The following GPAM variants were observed in gnomAD, a reference collection of about 807,000 sequenced individuals.
GPAM encodes glycerol-3-phosphate acyltransferase 1, mitochondrial.
In GPAM, 56 loss-of-function variants were observed where a neutral mutation model predicts 105.0. That is an observed-to-expected ratio of 0.53 (90% CI 0.43 to 0.67). The LOEUF is 0.67. Among genes scored for constraint, GPAM ranks in the 30% least tolerant of loss-of-function variants. The probability of loss-of-function intolerance (pLI) is 0.00; values close to 1 mark genes in which losing one functional copy is unlikely to be tolerated. For missense variants in GPAM, 855 were observed against 989.8 expected (o/e 0.86, Z 1.83); for synonymous variants, 368 against 354.4 (o/e 1.04, Z -0.43).
chr10:112,216,750 A>C (rs1478150420), upstream of GPAM, among the ~76,000 whole-genome samples: 1 of 151,960 alleles, frequency 6.6e-6, no homozygotes, highest in East Asian at 1.9e-4. Context: ...CAGCCTCCCA[A>C]GTAGCTGGGA....
chr10:112,220,427 T>C, the GPAM span, among the ~76,000 whole-genome samples: 1 of 147,952 alleles, frequency 6.8e-6, no homozygotes, highest in African/African-American at 2.5e-5. Flanking sequence ...TACATGCATC[T>C]AGAGCCATAC....
In GPAM at chr10:112,151,763, A is replaced by C; in HGVS notation, c.*1787T>G. 1 of 985,090 alleles carries C rather than the reference A, an allele frequency of 1.0e-6. No individual in the cohort carries two copies. Among genetic ancestry groups the C allele is most frequent in the Non-Finnish European group, 1.2e-6 (1 of 829,696 alleles). 61.0% of individuals were successfully genotyped at this position (985,090 alleles called of 1,614,324 possible). A position where few individuals can be genotyped will look rare whatever the true frequency, so the allele number is the denominator to read the frequency against. On this transcript the variant is annotated 3_prime_UTR_variant, in exon 22 of 22. Coordinates refer to ENST00000348367, the MANE Select transcript of GPAM (RefSeq NM_001244949.2). ...AGGATGAAAAAAAGAGACTAGTGAA[A>C]TGTTTGCTTCCCCAGATAAGGAACA...
rs1846928968 is a variant in GPAM at position 112,152,028 on chromosome 10, A to G, written c.*1522T>C. 6.3e-6 allele frequency: 6 copies of G among 959,550 alleles called. No individual in the cohort carries two copies. The South Asian group carries it at 1.9e-4, about 31-fold the overall frequency. The allele number at this position is 959,550 out of a possible 1,614,324, so 59.4% of individuals were successfully genotyped here. A position where few individuals can be genotyped will look rare whatever the true frequency, so the allele number is the denominator to read the frequency against. On this transcript the variant is annotated 3_prime_UTR_variant, in exon 22 of 22. Transcript: ENST00000348367. ...GAGTTTCAAACATGGTATTTCATAC[A>G]ATGTGAAATATCAATCAGCATCCCT...
At chr10:112,154,542 C>T in intron 21 of GPAM, 87 bp downstream of exon 21, 4 of 994,954 alleles carry the variant, frequency 4.0e-6, no homozygotes, top group East Asian at 2.4e-5. Context: ...TCGGGGTCCA[C>T]CCCACCACAA....
rs1846935631 is a variant in GPAM, at chr10:112,152,392, C to T, written c.*1158G>A. On this transcript the variant is annotated 3_prime_UTR_variant, in exon 22 of 22. Coordinates refer to ENST00000348367, the MANE Select transcript of GPAM (RefSeq NM_001244949.2). Reference sequence around the variant, plus strand: ...TGGCATAAGGGTTTAGGCATATAACCCATAAAAATTTGTTAAAAGTCATGG... The same window carrying T: ...TGGCATAAGGGTTTAGGCATATAACTCATAAAAATTTGTTAAAAGTCATGG... The T allele has an allele frequency of 1.0e-6, 1 of 984,720 alleles. No individual in the cohort carries two copies. The highest frequency in any genetic ancestry group is 1.7e-5 in the African/African-American group (1 of 57,146). The allele number at this position is 984,720 out of a possible 1,614,324, so 61.0% of individuals were successfully genotyped here. A position where few individuals can be genotyped will look rare whatever the true frequency, so the allele number is the denominator to read the frequency against.
Position 112,161,709 on chromosome 10 carries a change from G to A in GPAM, c.1452C>T (p.Ser484=), listed in dbSNP as rs768859281. 1.9e-6 allele frequency: 3 copies of A among 1,613,998 alleles called. No homozygotes were observed. The highest frequency in any genetic ancestry group is 2.2e-5 in the East Asian group (1 of 44,876). ...GGAGCAGGCAAGCCACAATGTGTGT[G>A]GACATAATGGCACAGGACTTGCTAG... The part of the protein sequence containing the change: ...FTASKSCAIM[S]THIVACLLLY... The change falls in exon 15 of 22, where the codon TCC becomes TCT. Residue 484 remains serine, a synonymous_variant. Transcript: ENST00000348367.
Position 112,173,765 on chromosome 10 carries a change from T to C in GPAM, c.494A>G (p.Lys165Arg). The C allele has an allele frequency of 6.2e-7, 1 of 1,613,866 alleles. No individual in the cohort carries two copies. Among genetic ancestry groups the C allele is most frequent in the Non-Finnish European group, 8.5e-7 (1 of 1,179,746 alleles). The change falls in exon 7 of 22, where the codon AAA (lysine) becomes AGA (arginine). Residue 165 changes from lysine to arginine, a missense_variant. Lys to Arg is a conservative substitution (Grantham distance 26). Transcript: ENST00000348367. The stretch of plus-strand genomic sequence containing the variant: ...AATCCTTTTAGCTTTCTTTTTCACT[T>C]TGTTAACGGCTTTTGATTGCTGCTG... The part of the protein sequence containing the change: ...SAQQQSKAVN[K>R]VKKKAKRILQ...
intron 1 of GPAM, among the ~76,000 whole-genome samples, chr10:112,191,348 A>G (rs1022041598): frequency 6.6e-6 from 1 of 152,014 alleles, no homozygotes; most frequent in Non-Finnish European, 1.5e-5. Context: ...ACAAGGTTCA[A>G]CTCCCCAGGA....
chr10:112,187,694 T>C (rs541496729), upstream of GPAM, among the ~76,000 whole-genome samples: 123 of 152,294 alleles, frequency 8.1e-4, no homozygotes, highest in African/African-American at 2.9e-3. Context: ...TGTACAATAC[T>C]ATCAACCCAA....
upstream of GPAM, among the ~76,000 whole-genome samples, chr10:112,218,606 G>C (rs1847993057): frequency 6.6e-6 from 1 of 152,186 alleles, no homozygotes; most frequent in South Asian, 2.1e-4. Flanking sequence ...GTTTCTAAGA[G>C]AAGTAAAGAA....
chr10:112,215,577 C>T (rs1274740825), upstream of GPAM, among the ~76,000 whole-genome samples: 3 of 152,204 alleles, frequency 2.0e-5, no homozygotes, highest in South Asian at 2.1e-4. Flanking sequence ...GTGTCTTCTT[C>T]GCATTGCCTG....
Position 112,150,774 on chromosome 10 carries a change from A to G in GPAM, c.*2776T>C, listed in dbSNP as rs1287704876. The stretch of plus-strand genomic sequence containing the variant: ...GGTTTCCCAGCAACACCATTTCTAT[A>G]AAACACTGATGAACATCTCACAGAG... On this transcript the variant is annotated 3_prime_UTR_variant, in exon 22 of 22. Transcript: ENST00000348367. 1.2e-5 allele frequency: 12 copies of G among 985,248 alleles called. No homozygotes were observed. Among genetic ancestry groups the G allele is most frequent in the Non-Finnish European group, 1.4e-5 (12 of 829,878 alleles). The allele number at this position is 985,248 out of a possible 1,614,324, so 61.0% of individuals were successfully genotyped here.
intron 17 of GPAM, 30 bp downstream of exon 17, chr10:112,159,881 A>G (rs749054865): frequency 1.2e-6 from 2 of 1,609,882 alleles, no homozygotes; most frequent in African/African-American, 2.7e-5. Flanking sequence ...AAGAAAAGAG[A>G]CCAGGCAACA....
intron 1 of GPAM, among the ~76,000 whole-genome samples, chr10:112,196,869 G>C (rs1012044175): frequency 3.3e-5 from 5 of 152,142 alleles, no homozygotes; most frequent in African/African-American, 1.2e-4. Context: ...CTGCTTACAA[G>C]GTAACAAAAC....
chr10:112,178,504 G>A (rs994306658), intron 4 of GPAM, among the ~76,000 whole-genome samples: 7 of 152,060 alleles, frequency 4.6e-5, no homozygotes, highest in Admixed American at 1.3e-4. Flanking sequence ...GAGCCAACAC[G>A]ATGCCATTGT....
intron 13 of GPAM, 34 bp from the exon 14 acceptor site, chr10:112,163,850 C>T (rs998585844): frequency 2.1e-6 from 2 of 949,186 alleles, no homozygotes; most frequent in South Asian, 2.6e-5. Context: ...CACACAACCG[C>T]ACTCTTTTAC....
chr10:112,172,498 A>C (rs1237144055), intron 8 of GPAM, among the ~76,000 whole-genome samples, 180 bp from the exon 9 acceptor site: 1 of 152,234 alleles, frequency 6.6e-6, no homozygotes, highest in Non-Finnish European at 1.5e-5. Context: ...AAAGAAAAAG[A>C]GCAACTATAA....
At chr10:112,180,139 T>A (rs1847481279) in intron 4 of GPAM, among the ~76,000 whole-genome samples, 1 of 152,254 alleles carries the variant, frequency 6.6e-6, no homozygotes, top group Non-Finnish European at 1.5e-5. Context: ...AGAATTTTAA[T>A]GTTAAGTGCT....
chr10:112,181,360 A>G (rs1847504233), intron 3 of GPAM, among the ~76,000 whole-genome samples: 1 of 152,110 alleles, frequency 6.6e-6, no homozygotes, highest in African/African-American at 2.4e-5. Context: ...CATGCTTTTC[A>G]AGTATAACTC....
Sources: allele counts gnomAD v4.1 joint callset (sites outside exome capture counted in the v4.1 genomes callset), GRCh38; gene constraint gnomAD v4.1.1; transcripts MANE v1.5; gene names NCBI Gene and HGNC (gene_info 2026-07-23, HGNC 2026-07-21).